PPA2: variants seen among roughly 807,000 people sequenced by gnomAD.
PPA2 encodes inorganic pyrophosphatase 2, also known as inorganic pyrophosphatase 2, mitochondrial.
Under a neutral mutation model 49.5 loss-of-function variants are expected in PPA2, and 48 were observed. That is an observed-to-expected ratio of 0.97 (90% confidence interval 0.77 to 1.23). The LOEUF (loss-of-function observed/expected upper bound fraction) is 1.23, where lower values mean the gene tolerates loss of function less well. Among genes scored for constraint, PPA2 ranks in the 50% most tolerant of loss-of-function variants. The pLI is 0.00. For missense variants in PPA2, 429 were observed against 410.1 expected (o/e 1.05, Z -0.40); for synonymous variants, 131 against 139.9 (o/e 0.94, Z 0.45).
intron 1 of PPA2, among the ~76,000 whole-genome samples, chr4:105,470,088 C>T (rs1723460381): frequency 1.3e-5 from 2 of 152,218 alleles, no homozygotes; most frequent in African/African-American, 4.8e-5. Flanking sequence ...AACCAGTTGC[C>T]TATCCCATAA....
At chr4:105,411,294 C>A (rs1027257490) in intron 7 of PPA2, among the ~76,000 whole-genome samples, 3 of 152,064 alleles carry the variant, frequency 2.0e-5, no homozygotes, top group Admixed American at 6.6e-5. Flanking sequence ...TAAACCAACA[C>A]GGATCAAAAG....
intron 1 of PPA2, among the ~76,000 whole-genome samples, chr4:105,464,751 GC>G (rs1307640007): frequency 6.6e-6 from 1 of 152,148 alleles, no homozygotes; most frequent in African/African-American, 2.4e-5. Flanking sequence ...TATGATACAT[GC>G]CCTTCACCTT....
intron 2 of PPA2, among the ~76,000 whole-genome samples, chr4:105,454,950 G>A (rs1182229417): frequency 6.6e-6 from 1 of 152,008 alleles, no homozygotes; most frequent in Non-Finnish European, 1.5e-5. Context: ...TATTATTGTT[G>A]TTATGATGAG....
intron 10 of PPA2, among the ~76,000 whole-genome samples, chr4:105,381,321 G>A (rs200977180): frequency 1.3e-5 from 2 of 151,950 alleles, no homozygotes; most frequent in East Asian, 3.9e-4. Flanking sequence ...TCCAATCAAT[G>A]GCTTATCTTG....
chr4:105,424,203 C>T lies in PPA2; in HGVS notation c.648G>A (p.Lys216=), dbSNP rs756410325. 6.9e-6 allele frequency: 11 copies of T among 1,601,226 alleles called. No individual in the cohort carries two copies. The highest frequency in any genetic ancestry group is 5.3e-5 in the Admixed American group (3 of 56,298). ...AINANDPEAS[K]FHDIDDVKKF... The stretch of plus-strand genomic sequence containing the variant: ...GGAAAGTAACAGTCTTACCATGAAA[C>T]TTTGAGGCTTCAGGATCATTCGCAT... The change falls in exon 7 of 12, where the codon AAG becomes AAA. Residue 216 remains lysine (K), a synonymous_variant. Transcript: ENST00000341695.
chr4:105,408,336 GA>G (rs904661517), intron 7 of PPA2, among the ~76,000 whole-genome samples: 11 of 151,634 alleles, frequency 7.3e-5, no homozygotes, highest in African/African-American at 1.5e-4. Flanking sequence ...GCATGGCTAG[GA>G]AAAAAAAGCA....
chr4:105,460,375 A>G (rs1409672591), intron 1 of PPA2, among the ~76,000 whole-genome samples: 1 of 149,050 alleles, frequency 6.7e-6, no homozygotes, highest in Non-Finnish European at 1.5e-5. Flanking sequence ...TGCATAGGTC[A>G]TATGTAAATA....
At chr4:105,374,359 G>A (rs1312735082) in intron 10 of PPA2, among the ~76,000 whole-genome samples, 2 of 152,138 alleles carry the variant, frequency 1.3e-5, no homozygotes, top group Non-Finnish European at 2.9e-5. Context: ...TCAGGAGTTT[G>A]AGACCAGCCC....
intron 8 of PPA2, chr4:105,398,773 T>C (rs1291596689): frequency 3.8e-6 from 1 of 261,256 alleles, no homozygotes; most frequent in Non-Finnish European, 7.0e-6. Context: ...AAAATTAGTC[T>C]GATCATGAAA....
At chr4:105,471,463 AATGCACT>A (rs1723520551) in intron 1 of PPA2, among the ~76,000 whole-genome samples, 1 of 152,194 alleles carries the variant, frequency 6.6e-6, no homozygotes, top group Admixed American at 6.5e-5. Flanking sequence ...TCTACCTCCC[AATGCACT>A]AGTATTTCAG....
At chr4:105,420,297 G>A (rs879287170) in intron 7 of PPA2, among the ~76,000 whole-genome samples, 3 of 152,016 alleles carry the variant, frequency 2.0e-5, no homozygotes, top group Non-Finnish European at 4.4e-5. Flanking sequence ...TTATAGAAAC[G>A]AAGTCACACT....
intron 7 of PPA2, among the ~76,000 whole-genome samples, chr4:105,410,188 A>C (rs1446049488): frequency 1.3e-5 from 2 of 152,234 alleles, no homozygotes; most frequent in African/African-American, 4.8e-5. Flanking sequence ...CAAATGGATA[A>C]CTAGAATAAA....
intron 8 of PPA2, among the ~76,000 whole-genome samples, chr4:105,398,069 A>T (rs1734215991): frequency 7.2e-6 from 1 of 138,860 alleles, no homozygotes; most frequent in African/African-American, 2.4e-5. Flanking sequence ...AAGAATTACT[A>T]TTTGTTAAAA....
At chr4:105,407,724 A>G (rs1052120207) in intron 7 of PPA2, among the ~76,000 whole-genome samples, 3 of 152,218 alleles carry the variant, frequency 2.0e-5, no homozygotes, top group Non-Finnish European at 4.4e-5. Context: ...AAGAGAAAAA[A>G]GTCATATACC....
chr4:105,370,986 T>C, intron 10 of PPA2, 113 bp from the exon 11 acceptor site: 1 of 1,005,748 alleles, frequency 9.9e-7, no homozygotes, highest in Non-Finnish European at 1.3e-6. Context: ...ACAATGGATC[T>C]CTAACCTGAA....
chr4:105,419,863 T>C (rs574421074), intron 7 of PPA2, among the ~76,000 whole-genome samples: 1 of 152,072 alleles, frequency 6.6e-6, no homozygotes, highest in Admixed American at 6.5e-5. Flanking sequence ...AAAATACACA[T>C]ACATAAGGAC....
In PPA2 at chr4:105,447,546, GGTAA is replaced by G. The variant is rs902667572; in HGVS notation, c.322-1048_322-1045del. ...TTCAAATGTTCTCACCACAAAAAAT[GGTAA>G]GTATTTGATGTGACAGATATATTAT... is the stretch of plus-strand genomic sequence containing the variant. On this transcript the variant is annotated intron_variant, in intron 4 of 11. Transcript: ENST00000341695. Among the ~76,000 whole-genome samples the G allele has an allele frequency of 1.2e-4, 19 of 152,100 alleles. 1 individual carries two copies. Among genetic ancestry groups the G allele is most frequent in the African/African-American group, 2.4e-4 (10 of 41,502 alleles).
rs181437213 is a variant in PPA2, at chr4:105,437,931, T to C, written c.528+19A>G. On this transcript the variant is annotated intron_variant, in intron 6 of 11. Transcript: ENST00000341695. ...AAACCAAAACTCACGTTAGAATTAA[T>C]ACAGTCTATAAAACAAACCTTTGAG... is the stretch of plus-strand genomic sequence containing the variant. The C allele has an allele frequency of 2.3e-4, 364 of 1,568,376 alleles. 5 individuals carry two copies. In the South Asian group the frequency reaches 2.5e-3, roughly 11 times the overall value.
Position 105,474,057 on chromosome 4 carries a change from A to G in PPA2, c.-7T>C, listed in dbSNP as rs750200006. On this transcript the variant is annotated 5_prime_UTR_variant, in exon 1 of 12. Coordinates refer to ENST00000341695, the MANE Select transcript of PPA2 (RefSeq NM_176869.3). ...GCCGCAGCAGCGCGCTCATGGCGTC[A>G]ATGACGGTCCTGCTGTGCGCGCGGA... is the stretch of plus-strand genomic sequence containing the variant. The G allele has an allele frequency of 1.1e-5, 18 of 1,570,894 alleles. No individual in the cohort carries two copies. The highest frequency in any genetic ancestry group is 1.5e-5 in the Non-Finnish European group (17 of 1,157,370).
Sources: allele counts gnomAD v4.1 joint callset (sites outside exome capture counted in the v4.1 genomes callset), GRCh38; gene constraint gnomAD v4.1.1; transcripts MANE v1.5; gene names NCBI Gene and HGNC (gene_info 2026-07-23, HGNC 2026-07-21).